The following RBFOX1 variants were observed in gnomAD, a reference collection of about 807,000 sequenced individuals.
The protein encoded by RBFOX1 is RNA binding protein fox-1 homolog 1.
Under a neutral mutation model 57.7 loss-of-function variants are expected in RBFOX1, and 8 were observed. The ratio of observed to expected loss-of-function variants is 0.14; its 90% CI spans 0.08 to 0.25. The LOEUF is 0.25. Ranked by LOEUF, RBFOX1 falls within the 10% of genes least tolerant of loss-of-function variation. The pLI is 1.00. For missense variants in RBFOX1, 611 were observed against 548.5 expected (o/e 1.11, Z -1.14); for synonymous variants, 326 against 222.4 (o/e 1.47, Z -4.15).
At chr16:5,353,894 G>A (rs981204195) in intron 1 of RBFOX1, among the ~76,000 whole-genome samples, 2 of 150,766 alleles carry the variant, frequency 1.3e-5, no homozygotes, top group African/African-American at 2.5e-5. Context: ...GGGTCTTGCT[G>A]TATCTGGTGG....
At chr16:6,312,662 TTCC>T (rs1228437360) in intron 1 of RBFOX1, among the ~76,000 whole-genome samples, 1 of 14,636 alleles carries the variant, frequency 6.8e-5, no homozygotes, top group Non-Finnish European at 1.8e-4. Flanking sequence ...CTTTCCTTCC[TTCC>T]TTCCTTCCTT....
At chr16:7,257,039 A>G (rs1283993413) in intron 4 of RBFOX1, among the ~76,000 whole-genome samples, 3 of 152,060 alleles carry the variant, frequency 2.0e-5, no homozygotes, top group African/African-American at 7.2e-5. Flanking sequence ...CTCCTGGAGA[A>G]TGGGATGCTG....
rs142807945 is a variant in RBFOX1, at chr16:7,657,698, A to G, written c.890+3751A>G. On this transcript the variant is annotated intron_variant, in intron 12 of 15. Transcript: ENST00000550418. ...TGCAGCTGAAGAACATCGGTTATGAAGAGGCCCTTTTTTGTCTCACATGCC... is the reference window on the plus strand; with the variant it reads ...TGCAGCTGAAGAACATCGGTTATGAGGAGGCCCTTTTTTGTCTCACATGCC... Among the ~76,000 whole-genome samples, 59 of 152,332 alleles carry G rather than the reference A, an allele frequency of 3.9e-4. 1 individual carries two copies. The highest frequency in any genetic ancestry group is 7.2e-4 in the Admixed American group (11 of 15,294).
At chr16:5,985,006 A>T (rs1313732877) in intron 4 of RBFOX1, among the ~76,000 whole-genome samples, 6 of 115,822 alleles carry the variant, frequency 5.2e-5, no homozygotes, top group African/African-American at 2.2e-4. Flanking sequence ...TCTTTGAGAC[A>T]GAGTTTCACT....
chr16:6,019,026 A>G lies in RBFOX1; in HGVS notation c.-1093A>G, dbSNP rs2095020028. 27 of 914,118 alleles carry G rather than the reference A, an allele frequency of 3.0e-5. No individual in the cohort carries two copies. Among genetic ancestry groups the G allele is most frequent in the Non-Finnish European group, 3.3e-5 (25 of 765,808 alleles). 56.6% of individuals were successfully genotyped at this position (914,118 alleles called of 1,614,324 possible). ...GAGGGGGCGCTCCCTCGCGCACCAGATTATTTTTGGCTCCGCAGCCGGGGC... is the reference window on the plus strand; with the variant it reads ...GAGGGGGCGCTCCCTCGCGCACCAGGTTATTTTTGGCTCCGCAGCCGGGGC... On this transcript the variant is annotated 5_prime_UTR_variant, in exon 1 of 16. Transcript: ENST00000550418. This position sits in a 1 kb window ranked among gnomAD's most constrained non-coding sequence, Gnocchi z 4.2.
intron 4 of RBFOX1, among the ~76,000 whole-genome samples, chr16:7,068,933 G>C (rs2346262): frequency 0.028 from 4,196 of 152,278 alleles, 90 homozygotes; most frequent in Middle Eastern, 0.071. Context: ...TTCTACTCAC[G>C]AAGTGTGTCA....
rs72770608 is a variant in RBFOX1 at position 6,885,115 on chromosome 16, C to T, written c.-15-166942C>T. Among the ~76,000 whole-genome samples, 388 of 152,254 alleles carry T rather than the reference C, an allele frequency of 2.5e-3. 3 individuals carry two copies. Among genetic ancestry groups the T allele is most frequent in the Middle Eastern group, 6.8e-3 (2 of 294 alleles). On this transcript the variant is annotated intron_variant, in intron 3 of 15. Coordinates refer to ENST00000550418, the MANE Select transcript of RBFOX1 (RefSeq NM_018723.4). ...CAAACCAGGACTGCTCTGACTGAAA[C>T]GGAAGGAGGAAAGTCTCAAGCTCTG...
intron 4 of RBFOX1, among the ~76,000 whole-genome samples, chr16:7,086,721 T>TACACACACACACACACACAA (rs1555460280): frequency 6.7e-6 from 1 of 149,476 alleles, no homozygotes; most frequent in African/African-American, 2.5e-5. Flanking sequence ...GAAGAATGTA[T>TACACACACACACACACACAA]ACACACACAC....
intron 4 of RBFOX1, among the ~76,000 whole-genome samples, chr16:7,346,138 C>A (rs1461050738): frequency 1.3e-5 from 2 of 152,140 alleles, no homozygotes; most frequent in Non-Finnish European, 2.9e-5. Flanking sequence ...TCATCCGTGT[C>A]CCTACAAAGG....
chr16:5,514,728 G>A (rs759020703), intron 2 of RBFOX1, among the ~76,000 whole-genome samples: 7 of 151,970 alleles, frequency 4.6e-5, no homozygotes, highest in Non-Finnish European at 7.4e-5. Flanking sequence ...AGGAGGAGCA[G>A]GAGGAGGAGG....
At chr16:6,819,941 C>G (rs1004167903) in intron 3 of RBFOX1, among the ~76,000 whole-genome samples, 1 of 152,024 alleles carries the variant, frequency 6.6e-6, no homozygotes, top group South Asian at 2.1e-4. Flanking sequence ...GAGGTGATGT[C>G]ATCTGGTATT....
rs74004500 is a variant in RBFOX1, at chr16:5,700,527, C to A, written c.318+101566C>A. On this transcript the variant is annotated intron_variant, in intron 3 of 19. Coordinates refer to the RBFOX1 transcript ENST00000641259. Reference sequence around the variant, plus strand: ...TTTCTTCTATGTCAGCTTTTAAGATCTTTACAATTCTTTTGGTTATGCAGT... The same window carrying A: ...TTTCTTCTATGTCAGCTTTTAAGATATTTACAATTCTTTTGGTTATGCAGT... Among the ~76,000 whole-genome samples, 154 of 152,256 alleles carry A rather than the reference C, an allele frequency of 1.0e-3. 1 individual carries two copies. The highest frequency in any genetic ancestry group is 3.5e-3 in the African/African-American group (145 of 41,556).
chr16:5,514,211 C>T (rs1399102565), intron 2 of RBFOX1, among the ~76,000 whole-genome samples: 2 of 152,142 alleles, frequency 1.3e-5, no homozygotes, highest in East Asian at 1.9e-4. Flanking sequence ...CTAGCCCTCT[C>T]GTATGTCTGA....
chr16:6,279,320 A>C (rs1232176030), intron 1 of RBFOX1, among the ~76,000 whole-genome samples: 1 of 152,188 alleles, frequency 6.6e-6, no homozygotes. Flanking sequence ...AATTTTATTA[A>C]CTAGCACGTA....
intron 1 of RBFOX1, among the ~76,000 whole-genome samples, chr16:6,069,097 G>A (rs933724093): frequency 3.3e-5 from 5 of 152,062 alleles, no homozygotes; most frequent in African/African-American, 4.8e-5. Flanking sequence ...AGGAGCGAGG[G>A]AAGAGAAAAA....
intron 4 of RBFOX1, among the ~76,000 whole-genome samples, chr16:7,142,442 G>A (rs774609921): frequency 5.3e-5 from 8 of 152,064 alleles, no homozygotes; most frequent in African/African-American, 1.7e-4. Context: ...CCCCTGTACC[G>A]CAGGCGACTC....
At chr16:7,349,604 A>T (rs1157883171) in intron 4 of RBFOX1, among the ~76,000 whole-genome samples, 1 of 152,138 alleles carries the variant, frequency 6.6e-6, no homozygotes, top group Non-Finnish European at 1.5e-5. Context: ...CTCAGAATCA[A>T]AATGAGGATG....
chr16:6,278,522 T>G (rs915754977), intron 1 of RBFOX1, among the ~76,000 whole-genome samples: 24 of 151,542 alleles, frequency 1.6e-4, no homozygotes, highest in African/African-American at 5.8e-4. Flanking sequence ...TGAATCTAAG[T>G]GGGCACCCAA....
chr16:7,576,862 T>A (rs1458634027), intron 5 of RBFOX1, among the ~76,000 whole-genome samples: 1 of 152,132 alleles, frequency 6.6e-6, no homozygotes, highest in Non-Finnish European at 1.5e-5. Context: ...TCTAACAGGA[T>A]GGAAGAGAAT....
Sources: gnomAD v4.1 joint callset for allele counts (sites outside exome capture counted in the v4.1 genomes callset) on GRCh38, gnomAD v4.1.1 for gene constraint, Gnocchi (gnomAD v3.1) non-coding constraint, MANE v1.5 for transcripts, NCBI Gene and HGNC (gene_info 2026-07-23, HGNC 2026-07-21) for gene names.